KY: variants seen among roughly 807,000 people sequenced by gnomAD.
KY encodes kyphoscoliosis peptidase.
A neutral mutation model predicts 76.1 loss-of-function variants in KY; 43 were observed. That is an observed-to-expected ratio of 0.57 (90% CI 0.44 to 0.73). KY has a LOEUF of 0.73. Ranked by LOEUF, KY falls within the 30% of genes least tolerant of loss-of-function variation. The pLI is 0.00. For synonymous variants in KY, 277 were observed against 326.2 expected, an observed-to-expected ratio of 0.85 and a Z score of 1.63; for missense variants, 722 against 828.9, an observed-to-expected ratio of 0.87 and a Z score of 1.58.
chr3:134,633,309 T>C (rs1476174552), intron 3 of KY, among the ~76,000 whole-genome samples: 1 of 152,050 alleles, frequency 6.6e-6, no homozygotes, highest in African/African-American at 2.4e-5. Flanking sequence ...AAAAGAACAC[T>C]ACAGACCAAT....
rs764894818 is a variant in KY at position 134,629,638 on chromosome 3, T to C, written c.320A>G (p.Lys107Arg). Residue 107 changes from lysine (K) to arginine (R), a missense_variant, in exon 4 of 11, where the codon AAG becomes AGG. Around this residue, in one of 2 missense-constraint regions of KY, gnomAD observed 170 missense variants for 148.1 expected, o/e 1.15. Transcript: ENST00000423778. ...PRDAMPQLLKKFSLAKRLQGD... is the reference protein window; with the variant it reads ...PRDAMPQLLKRFSLAKRLQGD... Reference sequence around the variant, plus strand: ...ATACATACGTTTAGCCAAGGAGAACTTCTTGAGCAGCTGGGGCATGGCATC... The same window carrying C: ...ATACATACGTTTAGCCAAGGAGAACCTCTTGAGCAGCTGGGGCATGGCATC... The C allele has an allele frequency of 5.0e-6, 8 of 1,601,280 alleles. No homozygotes were observed. The Admixed American group carries it at 8.6e-5, about 17-fold the overall frequency.
At chr3:134,615,971 A>G (rs773441903) in intron 8 of KY, among the ~76,000 whole-genome samples, 5 of 152,244 alleles carry the variant, frequency 3.3e-5, no homozygotes, top group African/African-American at 7.2e-5. Context: ...CAAACTCGTA[A>G]TAAGTGCCTG....
chr3:134,629,520 TCTC>T (rs1375059021), intron 4 of KY, 98 bp downstream of exon 4: 3 of 870,998 alleles, frequency 3.4e-6, no homozygotes, highest in Admixed American at 2.1e-5. Flanking sequence ...ATGTCACTCT[TCTC>T]CTTCCCTCAG....
rs545017293 is a variant in KY, at chr3:134,623,316, C to A, written c.483+1737G>T. 5.9e-5 allele frequency among the ~76,000 whole-genome samples: 9 copies of A among 152,286 alleles called. No individual in the cohort carries two copies. In the South Asian group the frequency reaches 1.9e-3, roughly 32 times the overall value. On this transcript the variant is annotated intron_variant, in intron 6 of 10. Transcript: ENST00000423778. ...CCATTACAAAAATCTGGGCCCTTTGCAGACTCCAGACCCCACCCACTTTCC... is the reference window on the plus strand; with the variant it reads ...CCATTACAAAAATCTGGGCCCTTTGAAGACTCCAGACCCCACCCACTTTCC...
chr3:134,621,645 C>A (rs2107841044), intron 6 of KY, among the ~76,000 whole-genome samples: 1 of 152,252 alleles, frequency 6.6e-6, no homozygotes, highest in South Asian at 2.1e-4. Flanking sequence ...ATCTTCATGA[C>A]CTTGGATTTG....
chr3:134,643,545 C>A (rs74315632), intron 2 of KY, among the ~76,000 whole-genome samples, 167 bp from the exon 3 acceptor site: 17 of 152,304 alleles, frequency 1.1e-4, no homozygotes, highest in Non-Finnish European at 2.9e-5. Flanking sequence ...CAAACCAGCA[C>A]GACACTGTGC....
intron 3 of KY, among the ~76,000 whole-genome samples, chr3:134,641,919 C>T (rs1020819833): frequency 2.0e-5 from 3 of 152,194 alleles, no homozygotes; most frequent in Non-Finnish European, 4.4e-5. Context: ...CTCATTATAG[C>T]CAGATATCTC....
intron 9 of KY, 28 bp downstream of exon 9, chr3:134,610,167 G>A (rs376057259): frequency 1.4e-5 from 22 of 1,592,736 alleles, no homozygotes; most frequent in Admixed American, 3.4e-5. Flanking sequence ...CCTGCCAGAC[G>A]CCCAGCAGAA....
chr3:134,631,340 G>A lies in KY; in HGVS notation c.263-1645C>T, dbSNP rs529806594. Among the ~76,000 whole-genome samples, 9 of 152,284 alleles carry A rather than the reference G, an allele frequency of 5.9e-5. No individual in the cohort carries two copies. The East Asian group carries it at 1.4e-3, about 23-fold the overall frequency. On this transcript the variant is annotated intron_variant, in intron 3 of 10. Transcript: ENST00000423778. The stretch of plus-strand genomic sequence containing the variant: ...AGTAGCCAGTGAAAAGCGATGTAAA[G>A]CCAAGAGAATTTGGTACCAACAGAC...
rs1182868030 is a variant in KY, at chr3:134,629,672, G to T, written c.286C>A (p.His96Asn). ...AGCTGGGGCATGGCATCTCGAGGGT[G>T]GACTTCCACAGTCAGTTGTGTCCCT... is the stretch of plus-strand genomic sequence containing the variant. ...SQGTQLTVEV[H>N]PRDAMPQLLK... The change falls in exon 4 of 11, where the codon CAC (histidine) becomes AAC (asparagine). Residue 96 changes from histidine (H) to asparagine (N), a missense_variant. By Grantham distance (68) the His-to-Asn change is moderately conservative. This residue lies in a region of KY where 170 missense variants were observed against 148.1 expected (regional missense o/e 1.15). Transcript: ENST00000423778. 4 of 1,596,714 alleles carry T rather than the reference G, an allele frequency of 2.5e-6. No homozygotes were observed. The highest frequency in any genetic ancestry group is 1.7e-5 in the Admixed American group (1 of 57,606).
chr3:134,648,889 G>A (rs1307977736), intron 1 of KY, among the ~76,000 whole-genome samples: 1 of 152,226 alleles, frequency 6.6e-6, no homozygotes, highest in Non-Finnish European at 1.5e-5. Context: ...AGGATCTGGA[G>A]TGTGGAGGAG....
At chr3:134,633,098 T>C (rs1235124505) in intron 3 of KY, among the ~76,000 whole-genome samples, 3 of 152,116 alleles carry the variant, frequency 2.0e-5, no homozygotes, top group Non-Finnish European at 4.4e-5. Flanking sequence ...AATACCTATT[T>C]GTTAAATTAA....
At position 134,603,545 on chromosome 3, in the gene KY, G is replaced by T; in HGVS notation, c.*34C>A. On this transcript the variant is annotated 3_prime_UTR_variant, in exon 11 of 11. Transcript: ENST00000423778. The stretch of plus-strand genomic sequence containing the variant: ...GCCCTCCCTGGGGAGGTCTGGCCTT[G>T]GCCCTTTGGGAGGGTAAGACCGGGG... 2 of 1,536,694 alleles carry T rather than the reference G, an allele frequency of 1.3e-6. No homozygotes were observed. The highest frequency in any genetic ancestry group is 2.5e-5 in the South Asian group (2 of 78,480).
rs200057223 is a variant in KY, at chr3:134,643,305, G to A, written c.262+11C>T. ...TGCAGGGGAGGTCACGGCTAGCGGC[G>A]AATCACTTACCTTGGCTGTTGTAGG... On this transcript the variant is annotated intron_variant, in intron 3 of 10. Coordinates refer to ENST00000423778, the MANE Select transcript of KY (RefSeq NM_178554.6). 6.8e-5 allele frequency: 110 copies of A among 1,613,462 alleles called. No individual in the cohort carries two copies. Among genetic ancestry groups the A allele is most frequent in the Non-Finnish European group, 8.2e-5 (97 of 1,179,702 alleles).
intron 3 of KY, among the ~76,000 whole-genome samples, chr3:134,635,704 C>G (rs953389433): frequency 6.6e-6 from 1 of 151,942 alleles, no homozygotes; most frequent in Non-Finnish European, 1.5e-5. Flanking sequence ...CAGAACTACA[C>G]ACTACAAACA....
chr3:134,622,934 C>A (rs1202467880), intron 6 of KY, among the ~76,000 whole-genome samples: 3 of 152,198 alleles, frequency 2.0e-5, no homozygotes, highest in Non-Finnish European at 4.4e-5. Flanking sequence ...ACCACTGGCC[C>A]AGCACACTGG....
Position 134,599,986 on chromosome 3 carries a change from A to G in KY, c.*3593T>C, listed in dbSNP as rs1958891623. Among the ~76,000 whole-genome samples, 1 of 152,224 alleles carries G rather than the reference A, an allele frequency of 6.6e-6. No individual in the cohort carries two copies. Among genetic ancestry groups the G allele is most frequent in the African/African-American group, 2.4e-5 (1 of 41,448 alleles). On this transcript the variant is annotated 3_prime_UTR_variant, in exon 11 of 11. Transcript: ENST00000423778. ...ACCAGCAACAACATGGAGAAAGCAT[A>G]CTCAACAGCCACCGGCCCACACAAC...
chr3:134,603,271 G>A lies in KY; in HGVS notation c.*308C>T, dbSNP rs1880374. On this transcript the variant is annotated 3_prime_UTR_variant, in exon 11 of 11. Coordinates refer to ENST00000423778, the MANE Select transcript of KY (RefSeq NM_178554.6). ...CATCAACCCTACAGCAACAACAACA[G>A]CAGCAGCACTAATACGAGAAGGGGC... 139,356 of 225,278 alleles carry A rather than the reference G, an allele frequency of 0.62. 43,968 individuals are homozygous for A. Among genetic ancestry groups the A allele is most frequent in the East Asian group, 0.82 (8,456 of 10,368 alleles). The allele number at this position is 225,278 out of a possible 1,614,324, so 14.0% of individuals were successfully genotyped here.
At chr3:134,649,002 G>C (rs1480708094) in intron 1 of KY, among the ~76,000 whole-genome samples, 1 of 152,134 alleles carries the variant, frequency 6.6e-6, no homozygotes, top group Non-Finnish European at 1.5e-5. Flanking sequence ...CCTCCCTTAG[G>C]CTGTTTTTCG....
Sources: allele counts gnomAD v4.1 joint callset (sites outside exome capture counted in the v4.1 genomes callset), GRCh38; gene constraint gnomAD v4.1.1; regional missense constraint gnomAD v4.1.1; transcripts MANE v1.5; gene names NCBI Gene and HGNC (gene_info 2026-07-23, HGNC 2026-07-21).